Variants in FNIP1 observed in about 807,000 individuals in gnomAD.
FNIP1 encodes folliculin interacting protein 1.
In FNIP1, 40 loss-of-function variants were observed where a neutral mutation model predicts 124.5. That is an observed-to-expected ratio of 0.32 (90% CI 0.25 to 0.42). The LOEUF (loss-of-function observed/expected upper bound fraction) is 0.42. FNIP1 is among the 10% of genes least tolerant of loss of function. The pLI is 1.00. For synonymous variants in FNIP1, 472 were observed against 470.6 expected (o/e 1.00, Z -0.04); for missense variants, 1,176 against 1,403.7 (o/e 0.84, Z 2.59).
At chr5:131,648,639 A>G (rs969101446) in intron 16 of FNIP1, among the ~76,000 whole-genome samples, 1 of 152,212 alleles carries the variant, frequency 6.6e-6, no homozygotes, top group Non-Finnish European at 1.5e-5. Context: ...TAAAATATGT[A>G]ATATAATTTA....
chr5:131,703,774 C>T (rs938748236), intron 10 of FNIP1, among the ~76,000 whole-genome samples: 1 of 152,178 alleles, frequency 6.6e-6, no homozygotes, highest in African/African-American at 2.4e-5. Context: ...TTATTTGTCC[C>T]ATGAGGTCAG....
chr5:131,645,975 A>G (rs958161771), intron 17 of FNIP1, among the ~76,000 whole-genome samples: 2 of 152,204 alleles, frequency 1.3e-5, no homozygotes, highest in Non-Finnish European at 2.9e-5. Context: ...TGGGGGAAGA[A>G]GACAATGACT....
chr5:131,736,255 A>C (rs554851493), intron 2 of FNIP1, among the ~76,000 whole-genome samples: 2 of 152,210 alleles, frequency 1.3e-5, no homozygotes, highest in African/African-American at 4.8e-5. Flanking sequence ...ACAAAATGCC[A>C]GGCCTTAATG....
chr5:131,778,835 T>G (rs1333471385), intron 1 of FNIP1, among the ~76,000 whole-genome samples: 1 of 139,184 alleles, frequency 7.2e-6, no homozygotes, highest in African/African-American at 2.7e-5. Flanking sequence ...GATGAGTTCA[T>G]GTCGTTTGTA....
At chr5:131,761,676 C>T (rs1031836584) in intron 1 of FNIP1, among the ~76,000 whole-genome samples, 23 of 152,038 alleles carry the variant, frequency 1.5e-4, no homozygotes, top group African/African-American at 5.3e-4. Flanking sequence ...GTTAAAATGT[C>T]CACACTACCC....
chr5:131,658,705 C>T (rs1193317269), intron 15 of FNIP1, among the ~76,000 whole-genome samples: 1 of 151,958 alleles, frequency 6.6e-6, no homozygotes, highest in African/African-American at 2.4e-5. Flanking sequence ...CTGGGCCATT[C>T]TCCTTAGAGA....
intron 11 of FNIP1, among the ~76,000 whole-genome samples, chr5:131,692,573 C>T (rs546568237): frequency 1.3e-5 from 2 of 151,752 alleles, no homozygotes; most frequent in Admixed American, 6.6e-5. Context: ...TATATAGAAA[C>T]AAAAAAGACC....
intron 17 of FNIP1, among the ~76,000 whole-genome samples, chr5:131,646,663 G>C (rs1163988412): frequency 6.6e-6 from 1 of 152,148 alleles, no homozygotes; most frequent in Non-Finnish European, 1.5e-5. Context: ...ATAATGCAGA[G>C]TAGACAGATA....
At chr5:131,646,312 G>T (rs1020858925) in intron 17 of FNIP1, among the ~76,000 whole-genome samples, 7 of 152,162 alleles carry the variant, frequency 4.6e-5, no homozygotes, top group Admixed American at 4.6e-4. Context: ...AGAATCATCT[G>T]TTTCCAACCT....
chr5:131,656,307 T>C (rs1767190848), intron 15 of FNIP1, among the ~76,000 whole-genome samples: 2 of 152,346 alleles, frequency 1.3e-5, no homozygotes, highest in African/African-American at 4.8e-5. Flanking sequence ...TTACCCATCA[T>C]TTCAAGATCA....
intron 11 of FNIP1, among the ~76,000 whole-genome samples, chr5:131,695,421 C>T (rs1276283853): frequency 1.3e-5 from 2 of 152,072 alleles, no homozygotes; most frequent in South Asian, 2.1e-4. Context: ...GTTATTGTTT[C>T]GTTTTGCTGT....
In FNIP1 at chr5:131,644,720, T is replaced by C; in HGVS notation, c.3466A>G (p.Thr1156Ala). Reference sequence around the variant, plus strand: ...ATTTGTGCAACATATGGAGAGTGAGTGCTTGCTACAGCAGCCAGAAGTGGA... The same window carrying C: ...ATTTGTGCAACATATGGAGAGTGAGCGCTTGCTACAGCAGCCAGAAGTGGA... ...DLPLLAAVAS[T>A]HSPYVAQILL is the part of the protein sequence containing the mutation. The change falls in exon 18 of 18, where the codon ACT (threonine) becomes GCT (alanine). Residue 1156 changes from threonine to alanine, a missense_variant. Thr to Ala is a moderately conservative substitution (Grantham distance 58). This residue lies in a region of FNIP1 where 67 missense variants were observed against 115.2 expected (regional missense o/e 0.58). Coordinates refer to ENST00000510461, the MANE Select transcript of FNIP1 (RefSeq NM_133372.3). The C allele has an allele frequency of 6.2e-7, 1 of 1,613,960 alleles. No homozygotes were observed. The highest frequency in any genetic ancestry group is 8.5e-7 in the Non-Finnish European group (1 of 1,179,928).
chr5:131,696,566 A>C (rs1194665621), intron 11 of FNIP1, among the ~76,000 whole-genome samples: 1 of 152,170 alleles, frequency 6.6e-6, no homozygotes, highest in Non-Finnish European at 1.5e-5. Flanking sequence ...ACACCTAAAA[A>C]ATGATTTATA....
intron 11 of FNIP1, among the ~76,000 whole-genome samples, chr5:131,680,783 TA>T (rs1253940426): frequency 6.6e-6 from 1 of 152,124 alleles, no homozygotes; most frequent in Non-Finnish European, 1.5e-5. Flanking sequence ...TACTTAATTT[TA>T]AAAAAATTGC....
intron 1 of FNIP1, among the ~76,000 whole-genome samples, chr5:131,777,843 G>A (rs1771862725): frequency 6.6e-6 from 1 of 152,162 alleles, no homozygotes; most frequent in Non-Finnish European, 1.5e-5. Context: ...TGGGGGTGGG[G>A]TCCAACATTC....
At chr5:131,740,959 A>G (rs1386119067) in intron 2 of FNIP1, among the ~76,000 whole-genome samples, 1 of 152,200 alleles carries the variant, frequency 6.6e-6, no homozygotes, top group Non-Finnish European at 1.5e-5. Context: ...CACTGGCAAC[A>G]TCAGTAAATT....
At chr5:131,652,593 G>T (rs926705382) in intron 15 of FNIP1, among the ~76,000 whole-genome samples, 1 of 152,126 alleles carries the variant, frequency 6.6e-6, no homozygotes, top group Non-Finnish European at 1.5e-5. Flanking sequence ...CACCCACCTC[G>T]GCCTCCCAAA....
At chr5:131,763,027 G>C (rs1010443120) in intron 1 of FNIP1, among the ~76,000 whole-genome samples, 1 of 152,172 alleles carries the variant, frequency 6.6e-6, no homozygotes, top group African/African-American at 2.4e-5. Context: ...GAGAAGGGTA[G>C]TGGCAGGGGG....
chr5:131,747,735 G>A (rs978747418), intron 1 of FNIP1, among the ~76,000 whole-genome samples: 2 of 152,110 alleles, frequency 1.3e-5, no homozygotes, highest in Admixed American at 6.6e-5. Context: ...AATAGGAGCA[G>A]AGAAAACAGA....
Sources: gnomAD v4.1 joint callset for allele counts (sites outside exome capture counted in the v4.1 genomes callset) on GRCh38, gnomAD v4.1.1 for gene constraint, gnomAD v4.1.1 regional missense constraint, MANE v1.5 for transcripts, NCBI Gene and HGNC (gene_info 2026-07-23, HGNC 2026-07-21) for gene names.